Variants in BANK1 observed in about 807,000 individuals in gnomAD.
BANK1 encodes the protein B-cell scaffold protein with ankyrin repeats.
BANK1 carries 95 observed loss-of-function variants against 94.5 expected under a neutral mutation model. The observed-to-expected ratio is 1.00, with a 90% CI of 0.85 to 1.19. The LOEUF is 1.19. BANK1 is among the 50% of genes most tolerant of loss of function. The pLI, the probability that BANK1 is intolerant of heterozygous loss-of-function variation, is 0.00. For synonymous variants in BANK1, 334 were observed against 308.4 expected (o/e 1.08, Z -0.87); for missense variants, 987 against 932.2 (o/e 1.06, Z -0.77).
intron 1 of BANK1, among the ~76,000 whole-genome samples, chr4:101,821,652 T>G (rs186136814): frequency 7.9e-5 from 12 of 152,330 alleles, no homozygotes; most frequent in South Asian, 4.1e-4. Flanking sequence ...GTTTGGGTTT[T>G]TTTGTTTGTT....
In BANK1 at chr4:101,904,362, A is replaced by G. The variant is rs528357473; in HGVS notation, c.1009+8952A>G. 2.0e-5 allele frequency among the ~76,000 whole-genome samples: 3 copies of G among 152,300 alleles called. No homozygotes were observed. In the South Asian group the frequency reaches 6.2e-4, roughly 32 times the overall value. The stretch of plus-strand genomic sequence containing the variant: ...AGAACTGGAGAATTCCAAGGGGAAA[A>G]TGTTGGAGCTATGTGCCCATTTTCT... On this transcript the variant is annotated intron_variant, in intron 6 of 16. Transcript: ENST00000322953.
chr4:102,071,131 G>A (rs1386986988), intron 13 of BANK1, 144 bp from the exon 14 acceptor site: 13 of 873,752 alleles, frequency 1.5e-5, no homozygotes, highest in Non-Finnish European at 2.2e-5. Flanking sequence ...GAGAAATTTG[G>A]GGTTGATATT....
chr4:102,062,753 A>G (rs1728458809), intron 12 of BANK1: 2 of 242,488 alleles, frequency 8.2e-6, no homozygotes, highest in Admixed American at 9.6e-5. Context: ...GGGTTGGCAA[A>G]ACAACTTCCC....
chr4:102,053,894 T>A (rs896321458), intron 11 of BANK1, among the ~76,000 whole-genome samples: 1 of 151,744 alleles, frequency 6.6e-6, no homozygotes, highest in African/African-American at 2.4e-5. Context: ...TAAAAAAAGA[T>A]AAAAAATCTG....
chr4:101,920,548 A>T (rs1461970334), intron 7 of BANK1, among the ~76,000 whole-genome samples: 1 of 151,944 alleles, frequency 6.6e-6, no homozygotes, highest in African/African-American at 2.4e-5. Context: ...TAAGATCCTC[A>T]CAAATGCATT....
intron 7 of BANK1, among the ~76,000 whole-genome samples, chr4:102,003,063 C>T (rs556798188): frequency 6.6e-6 from 1 of 152,230 alleles, no homozygotes; most frequent in South Asian, 2.1e-4. Flanking sequence ...GCCCAGCCTG[C>T]TAGTGTTCTT....
At chr4:101,844,504 T>C (rs887374860) in intron 2 of BANK1, among the ~76,000 whole-genome samples, 3 of 152,144 alleles carry the variant, frequency 2.0e-5, no homozygotes, top group Admixed American at 1.3e-4. Flanking sequence ...TTCTCTTGTG[T>C]GAGGCTGAGG....
At chr4:101,965,895 A>G (rs540128050) in intron 7 of BANK1, among the ~76,000 whole-genome samples, 1 of 152,250 alleles carries the variant, frequency 6.6e-6, no homozygotes, top group African/African-American at 2.4e-5. Context: ...GAACTAATTC[A>G]TAGCCTTATG....
intron 10 of BANK1, among the ~76,000 whole-genome samples, chr4:102,035,272 T>A (rs1051337550): frequency 1.3e-4 from 20 of 152,168 alleles, no homozygotes; most frequent in African/African-American, 4.6e-4. Flanking sequence ...TCTAACTGCT[T>A]CCGCAAAGCT....
intron 7 of BANK1, among the ~76,000 whole-genome samples, chr4:102,007,451 C>A (rs886602635): frequency 6.6e-6 from 1 of 151,256 alleles, no homozygotes; most frequent in Non-Finnish European, 1.5e-5. Flanking sequence ...GAAATGTTGG[C>A]TAAAAATTCA....
chr4:102,058,302 A>G (rs1728296739), intron 11 of BANK1, among the ~76,000 whole-genome samples: 1 of 152,150 alleles, frequency 6.6e-6, no homozygotes, highest in Non-Finnish European at 1.5e-5. Flanking sequence ...ATACTTGTAA[A>G]GAGAAATTTT....
chr4:101,806,381 TATTGAATAATAGG>T (rs1725555603), intron 1 of BANK1, among the ~76,000 whole-genome samples: 1 of 152,196 alleles, frequency 6.6e-6, no homozygotes, highest in Non-Finnish European at 1.5e-5. Context: ...CTTGATGACT[TATTGAATAATAGG>T]ATAGATCATC....
chr4:101,995,155 G>A (rs576934694), intron 7 of BANK1, among the ~76,000 whole-genome samples: 34 of 151,796 alleles, frequency 2.2e-4, no homozygotes, highest in Admixed American at 1.1e-3. Context: ...GTGTCCATGC[G>A]TTCTGATTCA....
Position 101,984,140 on chromosome 4 carries a change from C to T in BANK1, c.1207-37374C>T, listed in dbSNP as rs1166084529. ...TAAACATTTATTAGTCACAATTTTA[C>T]TAAAATACTATGTAAGGCTTAAGTT... On this transcript the variant is annotated intron_variant, in intron 7 of 16. Transcript: ENST00000322953. 2.6e-5 allele frequency among the ~76,000 whole-genome samples: 4 copies of T among 151,840 alleles called. No individual in the cohort carries two copies. In the East Asian group the frequency reaches 5.8e-4, roughly 22 times the overall value.
rs539471008 is a variant in BANK1, at chr4:101,801,215, AC to A, written c.70+10266del. Among the ~76,000 whole-genome samples the A allele has an allele frequency of 2.6e-5, 4 of 152,338 alleles. No homozygotes were observed. In the South Asian group the frequency reaches 8.3e-4, roughly 32 times the overall value. Reference sequence around the variant, plus strand: ...GCACACCAGTTTTCAAAGACTGAGCACAAAAAATAGAATGTAAAATCTCTCA... The same window carrying A: ...GCACACCAGTTTTCAAAGACTGAGCAAAAAAATAGAATGTAAAATCTCTCA... On this transcript the variant is annotated intron_variant, in intron 1 of 16. Transcript: ENST00000322953.
intron 2 of BANK1, among the ~76,000 whole-genome samples, chr4:101,845,765 A>G (rs1560598633): frequency 6.6e-6 from 1 of 152,238 alleles, no homozygotes; most frequent in Non-Finnish European, 1.5e-5. Flanking sequence ...CCTAACTGAA[A>G]CATCAATGCA....
intron 7 of BANK1, among the ~76,000 whole-genome samples, chr4:101,999,651 C>T (rs1725994749): frequency 6.6e-6 from 1 of 152,146 alleles, no homozygotes; most frequent in African/African-American, 2.4e-5. Context: ...TTTAAAGCAG[C>T]TTACAGTTAA....
At chr4:102,044,705 C>A (rs1727820091) in intron 11 of BANK1, among the ~76,000 whole-genome samples, 1 of 82,626 alleles carries the variant, frequency 1.2e-5, no homozygotes, top group Non-Finnish European at 2.4e-5. Flanking sequence ...TGTTTCCTGA[C>A]TTTTTAATGA....
intron 1 of BANK1, among the ~76,000 whole-genome samples, chr4:101,799,834 A>G (rs937408711): frequency 6.6e-6 from 1 of 152,172 alleles, no homozygotes; most frequent in Non-Finnish European, 1.5e-5. Flanking sequence ...AGATCGCACC[A>G]CTGCACTCCA....
Sources: allele counts gnomAD v4.1 joint callset (sites outside exome capture counted in the v4.1 genomes callset), GRCh38; gene constraint gnomAD v4.1.1; transcripts MANE v1.5; gene names NCBI Gene and HGNC (gene_info 2026-07-23, HGNC 2026-07-21).